The following NLGN1 variants were observed in gnomAD, a reference collection of about 807,000 sequenced individuals.
The protein encoded by NLGN1 is neuroligin-1.
NLGN1 carries 12 observed loss-of-function variants against 65.5 expected under a neutral mutation model. The ratio of observed to expected loss-of-function variants is 0.18; its 90% CI spans 0.12 to 0.30. NLGN1 has a LOEUF of 0.30. Among genes scored for constraint, NLGN1 ranks in the 10% least tolerant of loss-of-function variants. NLGN1 has a pLI of 1.00. For missense variants in NLGN1, 750 were observed against 1,007.1 expected (o/e 0.74, Z 3.46); for synonymous variants, 350 against 359.5 (o/e 0.97, Z 0.30).
intron 4 of NLGN1, among the ~76,000 whole-genome samples, chr3:174,218,573 G>A (rs546623267): frequency 1.4e-4 from 22 of 152,042 alleles, no homozygotes; most frequent in East Asian, 5.8e-4. Flanking sequence ...GTTAAGGTCC[G>A]TGCAGCAGAT....
intron 4 of NLGN1, among the ~76,000 whole-genome samples, chr3:173,837,664 G>T (rs911881192): frequency 1.5e-4 from 23 of 152,154 alleles, no homozygotes; most frequent in African/African-American, 4.6e-4. Context: ...GCCTACATTT[G>T]TATACATATA....
chr3:174,201,303 A>G (rs1268830303), intron 4 of NLGN1, among the ~76,000 whole-genome samples: 1 of 114,008 alleles, frequency 8.8e-6, no homozygotes, highest in Non-Finnish European at 1.8e-5. Context: ...AGGGGGAGGG[A>G]GGGAGGAAGG....
chr3:173,742,109 A>G (rs1774741548), intron 3 of NLGN1, among the ~76,000 whole-genome samples: 1 of 152,108 alleles, frequency 6.6e-6, no homozygotes, highest in South Asian at 2.1e-4. Flanking sequence ...CTGCTTTTCC[A>G]GGAATCCATT....
At chr3:174,030,687 TG>T (rs761171410) in intron 4 of NLGN1, among the ~76,000 whole-genome samples, 9 of 152,012 alleles carry the variant, frequency 5.9e-5, no homozygotes, top group Non-Finnish European at 1.3e-4. Context: ...AATCCACAGG[TG>T]GTGGCAGGAT....
At chr3:174,107,424 A>G (rs905629017) in intron 4 of NLGN1, among the ~76,000 whole-genome samples, 2 of 152,272 alleles carry the variant, frequency 1.3e-5, no homozygotes, top group Admixed American at 1.3e-4. Flanking sequence ...TTCCCTTAGT[A>G]TATTTCTGTA....
At chr3:174,089,179 G>A (rs1744035614) in intron 4 of NLGN1, among the ~76,000 whole-genome samples, 2 of 152,160 alleles carry the variant, frequency 1.3e-5, no homozygotes, top group South Asian at 4.1e-4. Flanking sequence ...AATGCATACA[G>A]TTCTAGGGAC....
intron 3 of NLGN1, among the ~76,000 whole-genome samples, chr3:173,681,279 G>A (rs146934509): frequency 1.3e-5 from 2 of 152,208 alleles, no homozygotes; most frequent in East Asian, 1.9e-4. Flanking sequence ...ATGACCTTAC[G>A]GTCAGTGTTT....
intron 2 of NLGN1, among the ~76,000 whole-genome samples, chr3:173,530,937 T>C (rs912773065): frequency 3.3e-5 from 5 of 152,162 alleles, no homozygotes; most frequent in Non-Finnish European, 5.9e-5. Flanking sequence ...TTCTTGGGCT[T>C]TGCTTTAATT....
intron 2 of NLGN1, among the ~76,000 whole-genome samples, chr3:173,564,476 A>C (rs1014590875): frequency 6.6e-6 from 1 of 152,242 alleles, no homozygotes; most frequent in African/African-American, 2.4e-5. Context: ...TTACACTGCC[A>C]TGTGCTCTTG....
At chr3:173,437,512 C>G (rs916306604) in intron 2 of NLGN1, among the ~76,000 whole-genome samples, 2 of 152,184 alleles carry the variant, frequency 1.3e-5, no homozygotes, top group African/African-American at 4.8e-5. Context: ...TGCTTTTGAA[C>G]GTTGATGGAT....
intron 2 of NLGN1, among the ~76,000 whole-genome samples, chr3:173,549,848 T>A (rs1026090215): frequency 2.0e-5 from 3 of 152,064 alleles, no homozygotes; most frequent in African/African-American, 7.2e-5. Flanking sequence ...CATTGCTCAC[T>A]CTATTATGGA....
chr3:174,241,815 C>G (rs149976599), intron 4 of NLGN1, among the ~76,000 whole-genome samples: 8 of 151,976 alleles, frequency 5.3e-5, no homozygotes, highest in African/African-American at 1.2e-4. Context: ...CCCGCCACCA[C>G]GCCTGGATAA....
chr3:174,070,883 C>A (rs1560971996), intron 4 of NLGN1, among the ~76,000 whole-genome samples: 1 of 151,868 alleles, frequency 6.6e-6, no homozygotes, highest in African/African-American at 2.4e-5. Context: ...GATGAGACCC[C>A]CATCTCTATG....
intron 4 of NLGN1, among the ~76,000 whole-genome samples, chr3:174,042,475 T>C (rs1732562716): frequency 1.3e-5 from 2 of 152,220 alleles, no homozygotes; most frequent in Non-Finnish European, 2.9e-5. Flanking sequence ...CTTTCCTTTC[T>C]CTATTGCATT....
chr3:173,637,122 A>C (rs1756719133), intron 3 of NLGN1, among the ~76,000 whole-genome samples: 1 of 152,174 alleles, frequency 6.6e-6, no homozygotes, highest in African/African-American at 2.4e-5. Flanking sequence ...GATGTGGAAC[A>C]TTCTTTATTC....
chr3:174,291,527 T>A (rs1752761742), downstream of NLGN1, among the ~76,000 whole-genome samples: 1 of 151,338 alleles, frequency 6.6e-6, no homozygotes, highest in Non-Finnish European at 1.5e-5. Context: ...TGAAGACTCT[T>A]TTGTTATATA....
intron 4 of NLGN1, among the ~76,000 whole-genome samples, chr3:174,258,615 TACA>T (rs907717696): frequency 9.2e-5 from 14 of 152,170 alleles, no homozygotes; most frequent in Non-Finnish European, 1.8e-4. Context: ...ATGGAGATGA[TACA>T]ACATTTCTTC....
At chr3:173,552,523 C>G (rs1383065339) in intron 2 of NLGN1, among the ~76,000 whole-genome samples, 1 of 152,006 alleles carries the variant, frequency 6.6e-6, no homozygotes, top group African/African-American at 2.4e-5. Context: ...TCCACAGCCA[C>G]AAAACTTGAG....
At chr3:174,274,969 A>G (rs1320230509) in intron 4 of NLGN1, among the ~76,000 whole-genome samples, 1 of 151,856 alleles carries the variant, frequency 6.6e-6, no homozygotes, top group African/African-American at 2.4e-5. Flanking sequence ...ATACACGTTC[A>G]CATGAACCCT....
Sources: allele counts gnomAD v4.1 joint callset (sites outside exome capture counted in the v4.1 genomes callset), GRCh38; gene constraint gnomAD v4.1.1; transcripts MANE v1.5; gene names NCBI Gene and HGNC (gene_info 2026-07-23, HGNC 2026-07-21).